The following CFDP1 variants were observed in gnomAD, a reference collection of about 807,000 sequenced individuals.
CFDP1 encodes chromatin remodeling protein CFDP1.
Under a neutral mutation model 40.1 loss-of-function variants are expected in CFDP1, and 31 were observed. That is an observed-to-expected ratio of 0.77 (90% CI 0.58 to 1.04). CFDP1 has a LOEUF of 1.04. Among genes scored for constraint, CFDP1 ranks in the 50% least tolerant of loss-of-function variants. The probability of loss-of-function intolerance (pLI) is 0.00; values close to 1 mark genes in which losing one functional copy is unlikely to be tolerated. For missense variants in CFDP1, 423 were observed against 343.4 expected (o/e 1.23, Z -1.83); for synonymous variants, 167 against 120.0 (o/e 1.39, Z -2.56).
chr16:75,337,660 T>C (rs1053882991), intron 5 of CFDP1, among the ~76,000 whole-genome samples: 9 of 152,004 alleles, frequency 5.9e-5, no homozygotes, highest in South Asian at 2.1e-4. Flanking sequence ...ACGTCTTACA[T>C]GGGTGGCGCA....
chr16:75,364,127 AAAC>A (rs1317678754), intron 5 of CFDP1, among the ~76,000 whole-genome samples: 1 of 151,380 alleles, frequency 6.6e-6, no homozygotes, highest in East Asian at 1.9e-4. Context: ...TAAAAAAACA[AAAC>A]AAAACAAAAC....
chr16:75,396,879 T>C (rs2078998425), intron 4 of CFDP1, among the ~76,000 whole-genome samples: 1 of 152,134 alleles, frequency 6.6e-6, no homozygotes, highest in African/African-American at 2.4e-5. Flanking sequence ...GCCTCTTTTG[T>C]AGTCCTCTGA....
intron 5 of CFDP1, among the ~76,000 whole-genome samples, chr16:75,360,100 G>A (rs1597353703): frequency 6.6e-6 from 1 of 152,062 alleles, no homozygotes; most frequent in Non-Finnish European, 1.5e-5. Flanking sequence ...ACTATGTTGG[G>A]CAGCCTGTCT....
chr16:75,432,052 C>A (rs1033408780), intron 1 of CFDP1, among the ~76,000 whole-genome samples: 1 of 151,430 alleles, frequency 6.6e-6, no homozygotes, highest in African/African-American at 2.4e-5. Context: ...GCTGGGACTA[C>A]AGGCGCGTGC....
At chr16:75,306,618 G>A (rs2078258773) in intron 5 of CFDP1, 1 of 152,148 alleles carries the variant, frequency 6.6e-6, no homozygotes, top group Non-Finnish European at 1.5e-5. Flanking sequence ...GTTCAGAGAG[G>A]TTAAATGATA....
chr16:75,414,654 C>T lies in CFDP1; in HGVS notation c.106G>A (p.Glu36Lys). The T allele has an allele frequency of 6.2e-7, 1 of 1,613,646 alleles. No individual in the cohort carries two copies. Among genetic ancestry groups the T allele is most frequent in the Non-Finnish European group, 8.5e-7 (1 of 1,179,678 alleles). Residue 36 changes from glutamate to lysine, a missense_variant, in exon 2 of 7, where the codon GAA becomes AAA. Glu to Lys is a moderately conservative substitution (Grantham distance 56). Coordinates refer to ENST00000283882, the MANE Select transcript of CFDP1 (RefSeq NM_006324.3). Reference protein sequence around the residue: ...SEDDVNELVKEDEVDGEEQTQ... With the variant: ...SEDDVNELVKKDEVDGEEQTQ... ...TGCTCTTCACCATCCACTTCATCTT[C>T]CTTCACTAATTCATTTACATCATCT... is the stretch of plus-strand genomic sequence containing the variant.
At position 75,412,527 on chromosome 16, in the gene CFDP1, C is replaced by G. The variant is rs767085482; in HGVS notation, c.402+8G>C. The G allele has an allele frequency of 3.1e-6, 5 of 1,610,032 alleles. No homozygotes were observed. In the Admixed American group the frequency reaches 8.3e-5, roughly 27 times the overall value. On this transcript the variant is annotated splice_region_variant and intron_variant, in intron 3 of 6. Transcript: ENST00000283882. ...AGAGGCATTCACCTCACTAATGTCT[C>G]AACTTACCTTAACTTGTGTACTTGG...
chr16:75,411,154 G>A (rs1342927050), intron 4 of CFDP1, among the ~76,000 whole-genome samples: 3 of 151,928 alleles, frequency 2.0e-5, no homozygotes, highest in African/African-American at 7.3e-5. Flanking sequence ...GGAGGTGGAG[G>A]TCGCAATGAG....
intron 5 of CFDP1, among the ~76,000 whole-genome samples, chr16:75,311,505 TAAC>T (rs1428612202): frequency 6.6e-6 from 1 of 152,062 alleles, no homozygotes; most frequent in African/African-American, 2.4e-5. Context: ...CTTTTTCTCA[TAAC>T]AAAATATTCA....
chr16:75,348,169 G>T (rs554867157), intron 5 of CFDP1, among the ~76,000 whole-genome samples: 1 of 152,264 alleles, frequency 6.6e-6, no homozygotes, highest in Admixed American at 6.5e-5. Context: ...GCCCAGGCTG[G>T]AGTACAGTGG....
At chr16:75,336,713 C>A in intron 5 of CFDP1, among the ~76,000 whole-genome samples, 1 of 152,216 alleles carries the variant, frequency 6.6e-6, no homozygotes, top group East Asian at 1.9e-4. Context: ...ATTTATTCAA[C>A]AGTGGTTACT....
chr16:75,296,521 A>AT (rs2078183565), intron 6 of CFDP1, among the ~76,000 whole-genome samples: 1 of 152,218 alleles, frequency 6.6e-6, no homozygotes, highest in African/African-American at 2.4e-5. Flanking sequence ...GGTGAGAGCC[A>AT]TCGGGCCCAG....
At chr16:75,433,186 G>A (rs1871257055) in intron 1 of CFDP1, 103 bp downstream of exon 1, 6 of 1,100,570 alleles carry the variant, frequency 5.5e-6, no homozygotes, top group Non-Finnish European at 7.9e-6. Context: ...GAGCCCCCCT[G>A]GACCACCTGG....
chr16:75,423,804 A>T (rs1020038509), intron 1 of CFDP1, among the ~76,000 whole-genome samples: 7 of 152,132 alleles, frequency 4.6e-5, no homozygotes, highest in South Asian at 4.1e-4. Flanking sequence ...GCTTCAAGTG[A>T]TCTGCACTCC....
At chr16:75,403,027 T>C (rs2079068713) in intron 4 of CFDP1, among the ~76,000 whole-genome samples, 1 of 152,172 alleles carries the variant, frequency 6.6e-6, no homozygotes. Flanking sequence ...TCCATACTCA[T>C]TTCTTTGTTT....
chr16:75,325,321 G>A (rs1305601058), intron 5 of CFDP1, among the ~76,000 whole-genome samples: 3 of 152,146 alleles, frequency 2.0e-5, no homozygotes, highest in South Asian at 4.1e-4. Context: ...TACCTTAGAG[G>A]CCTTGCCTCA....
intron 5 of CFDP1, among the ~76,000 whole-genome samples, chr16:75,308,414 T>C (rs2078272454): frequency 6.6e-6 from 1 of 152,214 alleles, no homozygotes; most frequent in Non-Finnish European, 1.5e-5. Context: ...TCTTATGTTC[T>C]GCTTTGAGGG....
At chr16:75,347,440 G>A (rs2078577457) in intron 5 of CFDP1, among the ~76,000 whole-genome samples, 1 of 151,662 alleles carries the variant, frequency 6.6e-6, no homozygotes, top group Non-Finnish European at 1.5e-5. Context: ...AGCACTTTAG[G>A]AGGCCCAGGT....
At chr16:75,378,609 G>A (rs897102534) in intron 5 of CFDP1, among the ~76,000 whole-genome samples, 2 of 152,122 alleles carry the variant, frequency 1.3e-5, no homozygotes, top group African/African-American at 4.8e-5. Flanking sequence ...CAAGCTCACA[G>A]CGTAGTGATG....
Sources: gnomAD v4.1 joint callset for allele counts (sites outside exome capture counted in the v4.1 genomes callset) on GRCh38, gnomAD v4.1.1 for gene constraint, MANE v1.5 for transcripts, NCBI Gene and HGNC (gene_info 2026-07-23, HGNC 2026-07-21) for gene names.